The following ARHGAP39 variants were observed in gnomAD, a reference collection of about 807,000 sequenced individuals.
ARHGAP39 encodes the protein Rho GTPase activating protein 39.
Under a neutral mutation model 106.9 loss-of-function variants are expected in ARHGAP39, and 44 were observed. The ratio of observed to expected loss-of-function variants is 0.41; its 90% CI spans 0.32 to 0.53. ARHGAP39 has a LOEUF of 0.53. ARHGAP39 is among the 20% of genes least tolerant of loss of function. ARHGAP39 has a pLI of 0.21. For synonymous variants in ARHGAP39, 768 were observed against 693.2 expected (o/e 1.11, Z -1.69); for missense variants, 1,496 against 1,577.3 (o/e 0.95, Z 0.87).
intron 3 of ARHGAP39, among the ~76,000 whole-genome samples, chr8:144,565,916 A>AC (rs1345898381): frequency 8.1e-5 from 9 of 110,862 alleles, no homozygotes; most frequent in Non-Finnish European, 1.4e-4. Context: ...AAACAGAGAG[A>AC]CCCCAACTCT....
rs1819399616 is a variant in ARHGAP39, at chr8:144,591,614, T to G, written c.81-10337A>C. On this transcript the variant is annotated intron_variant, in intron 2 of 11. Coordinates refer to ENST00000377307, the MANE Select transcript of ARHGAP39 (RefSeq NM_025251.3). This position sits in a 1 kb window ranked among gnomAD's most constrained non-coding sequence, Gnocchi z 5.3. ...AGGCCAGTGGTGCTGGGGGACAGGG[T>G]GCGTGCCAGAAGAGAGGCGAGGGGT... Among the ~76,000 whole-genome samples the G allele has an allele frequency of 6.7e-6, 1 of 150,282 alleles. No homozygotes were observed. The highest frequency in any genetic ancestry group is 1.5e-5 in the Non-Finnish European group (1 of 67,658).
intron 1 of ARHGAP39, among the ~76,000 whole-genome samples, chr8:144,651,651 G>A (rs1821577314): frequency 6.6e-6 from 1 of 152,050 alleles, no homozygotes; most frequent in African/African-American, 2.4e-5. Context: ...AGGTTGCAGT[G>A]ATCTGAGATC....
chr8:144,564,066 G>C (rs933889780), intron 3 of ARHGAP39, among the ~76,000 whole-genome samples: 1 of 152,142 alleles, frequency 6.6e-6, no homozygotes. Flanking sequence ...ATTTGCAGCA[G>C]ATATATTTTC....
At chr8:144,666,811 G>A (rs938853771) in intron 1 of ARHGAP39, among the ~76,000 whole-genome samples, 11 of 152,064 alleles carry the variant, frequency 7.2e-5, no homozygotes, top group African/African-American at 2.4e-4. Flanking sequence ...GACAACACCC[G>A]GAGTGCTCCA....
At chr8:144,694,087 C>T in the ARHGAP39 span, among the ~76,000 whole-genome samples, 3 of 152,128 alleles carry the variant, frequency 2.0e-5, no homozygotes, top group Non-Finnish European at 4.4e-5. Context: ...GCAGACTCCA[C>T]GTTCAGAGAG....
At chr8:144,690,540 A>C (rs185058994), upstream of ARHGAP39, among the ~76,000 whole-genome samples, 72 of 151,878 alleles carry the variant, frequency 4.7e-4, no homozygotes, top group Middle Eastern at 0.014. Context: ...TGTGATTTTG[A>C]TTTCCATTAC....
At chr8:144,563,805 A>AAAAT (rs772431888) in intron 3 of ARHGAP39, among the ~76,000 whole-genome samples, 1 of 151,944 alleles carries the variant, frequency 6.6e-6, no homozygotes, top group African/African-American at 2.4e-5. Context: ...AAATAATAAT[A>AAAAT]AAATAAATAA....
At chr8:144,674,792 C>T (rs759581994) in intron 1 of ARHGAP39, among the ~76,000 whole-genome samples, 35 of 152,240 alleles carry the variant, frequency 2.3e-4, no homozygotes, top group Non-Finnish European at 3.8e-4. Flanking sequence ...AGTCCGAAGG[C>T]GGCCGAGAAG....
chr8:144,655,922 A>G (rs1274572222), intron 1 of ARHGAP39, among the ~76,000 whole-genome samples: 4 of 152,210 alleles, frequency 2.6e-5, no homozygotes, highest in Admixed American at 2.6e-4. Flanking sequence ...CCTCATCAAA[A>G]GCAATGCACA....
intron 1 of ARHGAP39, among the ~76,000 whole-genome samples, chr8:144,636,526 C>A (rs751440453): frequency 1.3e-4 from 20 of 152,340 alleles, no homozygotes; most frequent in Admixed American, 2.6e-4. Context: ...GCGATGCAGG[C>A]GATGTGAAGA....
chr8:144,607,182 G>A (rs1820324005), intron 1 of ARHGAP39, among the ~76,000 whole-genome samples: 1 of 150,856 alleles, frequency 6.6e-6, no homozygotes, highest in Non-Finnish European at 1.5e-5. Flanking sequence ...AGGAAGAGGA[G>A]GGAGGATCCC....
Position 144,623,990 on chromosome 8 carries a change from C to T in ARHGAP39, c.-81-18295G>A, listed in dbSNP as rs1011310785. On this transcript the variant is annotated intron_variant, in intron 1 of 11. Transcript: ENST00000377307. ...GACCATGCTTGGCATCAGCAGCAGC[C>T]TTGGGCGTCCCAGCTAAGACCTGGA... 2.0e-5 allele frequency among the ~76,000 whole-genome samples: 3 copies of T among 152,346 alleles called. No homozygotes were observed. In the East Asian group the frequency reaches 5.8e-4, roughly 29 times the overall value.
chr8:144,631,254 T>C (rs921626756), intron 1 of ARHGAP39, among the ~76,000 whole-genome samples: 1 of 152,190 alleles, frequency 6.6e-6, no homozygotes, highest in Non-Finnish European at 1.5e-5. Context: ...AACATGAGAT[T>C]TGGGCAAATA....
intron 5 of ARHGAP39, among the ~76,000 whole-genome samples, chr8:144,546,529 T>G (rs188431770): frequency 2.1e-3 from 320 of 152,150 alleles, no homozygotes; most frequent in African/African-American, 7.1e-3. Context: ...CCTCACCCTG[T>G]GAGAACAAGG....
At position 144,646,547 on chromosome 8, in the gene ARHGAP39, A is replaced by C. The variant is rs1173171764; in HGVS notation, c.-82+39139T>G. Among the ~76,000 whole-genome samples, 1 of 152,148 alleles carries C rather than the reference A, an allele frequency of 6.6e-6. No individual in the cohort carries two copies. Among genetic ancestry groups the C allele is most frequent in the Non-Finnish European group, 1.5e-5 (1 of 68,014 alleles). Reference sequence around the variant, plus strand: ...AGGCGAATCGGCTGCCTCTGAGAACAACTGGGGTGGGCACAGGCTGGCGGG... The same window carrying C: ...AGGCGAATCGGCTGCCTCTGAGAACCACTGGGGTGGGCACAGGCTGGCGGG... On this transcript the variant is annotated intron_variant, in intron 1 of 11. Coordinates refer to ENST00000377307, the MANE Select transcript of ARHGAP39 (RefSeq NM_025251.3). This position sits in a 1 kb window ranked among gnomAD's most constrained non-coding sequence, Gnocchi z 5.7.
rs1821435752 is a variant in ARHGAP39 at position 144,646,071 on chromosome 8, C to T, written c.-82+39615G>A. On this transcript the variant is annotated intron_variant, in intron 1 of 11. Transcript: ENST00000377307. The surrounding 1 kb of genome is among the most constrained non-coding windows in gnomAD (Gnocchi z 5.7). ...CCAGCAACCACCTGCTGGGCGTCCC[C>T]CGGAGCTGCACTGGTCACCCCTCCC... 6.6e-6 allele frequency among the ~76,000 whole-genome samples: 1 copy of T among 152,238 alleles called. No homozygotes were observed. The highest frequency in any genetic ancestry group is 6.5e-5 in the Admixed American group (1 of 15,288).
At chr8:144,692,989 C>T in the ARHGAP39 span, among the ~76,000 whole-genome samples, 2 of 151,004 alleles carry the variant, frequency 1.3e-5, no homozygotes, top group Non-Finnish European at 2.9e-5. Flanking sequence ...AAACTCCTGA[C>T]CTCAGGTGAT....
At chr8:144,551,508 C>T (rs141342282) in intron 4 of ARHGAP39, among the ~76,000 whole-genome samples, 2,693 of 152,302 alleles carry the variant, frequency 0.018, 65 homozygotes, top group Admixed American at 0.063. Flanking sequence ...CCCGAGAGGC[C>T]CAGACACTCT....
intron 1 of ARHGAP39, among the ~76,000 whole-genome samples, chr8:144,628,444 G>T (rs145566610): frequency 6.6e-6 from 1 of 152,146 alleles, no homozygotes; most frequent in Admixed American, 6.5e-5. Context: ...GGGCATTCCG[G>T]AGTGGCATGC....
Sources: gnomAD v4.1 joint callset for allele counts (sites outside exome capture counted in the v4.1 genomes callset) on GRCh38, gnomAD v4.1.1 for gene constraint, Gnocchi (gnomAD v3.1) non-coding constraint, MANE v1.5 for transcripts, NCBI Gene and HGNC (gene_info 2026-07-23, HGNC 2026-07-21) for gene names.